The following CECR2 variants were observed in gnomAD, a reference collection of about 807,000 sequenced individuals.
CECR2 encodes chromatin remodeling regulator CECR2.
Under a neutral mutation model 154.5 loss-of-function variants are expected in CECR2, and 30 were observed. The ratio of observed to expected loss-of-function variants is 0.19; its 90% CI spans 0.15 to 0.26. CECR2 has a LOEUF of 0.26. Among genes scored for constraint, CECR2 ranks in the 10% least tolerant of loss-of-function variants. The pLI, the probability that CECR2 is intolerant of heterozygous loss-of-function variation, is 1.00. For missense variants in CECR2, 1,743 were observed against 1,829.3 expected, an observed-to-expected ratio of 0.95 and a Z score of 0.86; for synonymous variants, 725 against 683.7, an observed-to-expected ratio of 1.06 and a Z score of -0.94.
chr22:17,381,297 C>A (rs2063185992), intron 1 of CECR2, among the ~76,000 whole-genome samples: 1 of 152,182 alleles, frequency 6.6e-6, no homozygotes, highest in South Asian at 2.1e-4. Flanking sequence ...GCCCCCCAGC[C>A]CTCCTTACAG....
chr22:17,525,081 C>T (rs1221641960), intron 9 of CECR2, among the ~76,000 whole-genome samples: 1 of 146,308 alleles, frequency 6.8e-6, no homozygotes, highest in Non-Finnish European at 1.5e-5. Flanking sequence ...GTTGGGTTTT[C>T]GAGACCAGCC....
chr22:17,475,898 TC>T (rs1365249409), intron 1 of CECR2, among the ~76,000 whole-genome samples: 2 of 151,768 alleles, frequency 1.3e-5, no homozygotes, highest in Non-Finnish European at 2.9e-5. Context: ...GGCTAACATC[TC>T]CCCTCCCACC....
chr22:17,401,653 C>T (rs1372095512), intron 1 of CECR2, among the ~76,000 whole-genome samples: 1 of 152,046 alleles, frequency 6.6e-6, no homozygotes, highest in Non-Finnish European at 1.5e-5. Context: ...GTAGTTGATT[C>T]CTTTTTATTG....
At chr22:17,367,530 C>G (rs148109556), upstream of CECR2, among the ~76,000 whole-genome samples, 254 of 152,112 alleles carry the variant, frequency 1.7e-3, no homozygotes, top group African/African-American at 5.7e-3. Flanking sequence ...GGACTACGGG[C>G]GCCTGCCACC....
intron 9 of CECR2, among the ~76,000 whole-genome samples, 186 bp from the exon 10 acceptor site, chr22:17,536,916 CT>C (rs2147008471): frequency 1.3e-5 from 2 of 152,232 alleles, no homozygotes; most frequent in East Asian, 3.9e-4. Flanking sequence ...TTAGTTTACC[CT>C]TGTCTTAAAG....
At chr22:17,541,572 A>G (rs2056522782) in intron 14 of CECR2, among the ~76,000 whole-genome samples, 1 of 152,202 alleles carries the variant, frequency 6.6e-6, no homozygotes, top group Non-Finnish European at 1.5e-5. Context: ...AAACGGCTAA[A>G]ATGGATCCTT....
chr22:17,540,605 C>T lies in CECR2; in HGVS notation c.1689C>T (p.Ser563=), dbSNP rs370557052. Residue 563 remains serine, a synonymous_variant, in exon 14 of 19, where the codon TCC becomes TCT. Transcript: ENST00000262608. ...CCCGCTCCAGGGACCCAGAAGGGTC[C>T]AGCAGGAAACAGCAGCCCATGGAGA... ...VWTRSRDPEG[S]SRKQQPMENG... is the part of the protein sequence containing the mutation. The T allele has an allele frequency of 1.4e-4, 230 of 1,613,634 alleles. No individual in the cohort carries two copies. Among genetic ancestry groups the T allele is most frequent in the Non-Finnish European group, 1.7e-4 (203 of 1,179,752 alleles).
rs755824277 is a variant in CECR2, at chr22:17,537,245, TAAC to T, written c.1238+24_1238+26del. 1.4e-5 allele frequency: 22 copies of T among 1,613,336 alleles called. No homozygotes were observed. The highest frequency in any genetic ancestry group is 1.5e-5 in the Non-Finnish European group (18 of 1,179,692). ...AGACTAAAGACCTGTGAGTATTTAG[TAAC>T]AACAACAACAGCAGTAGCAACTGGT... is the stretch of plus-strand genomic sequence containing the variant. On this transcript the variant is annotated intron_variant, in intron 10 of 18. Coordinates refer to ENST00000262608, the MANE Select transcript of CECR2 (RefSeq NM_001290047.2).
At chr22:17,469,098 A>AGT (rs146819561) in intron 1 of CECR2, among the ~76,000 whole-genome samples, 16,445 of 151,700 alleles carry the variant, frequency 0.11, 988 homozygotes, top group South Asian at 0.22. Flanking sequence ...GTACAATTTC[A>AGT]GTGTGTGTGT....
At chr22:17,383,267 C>T (rs1316049682) in intron 1 of CECR2, among the ~76,000 whole-genome samples, 1 of 152,078 alleles carries the variant, frequency 6.6e-6, no homozygotes. Flanking sequence ...GAGCCTTCAA[C>T]GAGTCATAGT....
chr22:17,540,550 C>G lies in CECR2; in HGVS notation c.1634C>G (p.Ala545Gly). 6.2e-7 allele frequency: 1 copy of G among 1,612,582 alleles called. No individual in the cohort carries two copies. Among genetic ancestry groups the G allele is most frequent in the African/African-American group, 1.3e-5 (1 of 75,030 alleles). The change falls in exon 14 of 19, where the codon GCT (alanine) becomes GGT (glycine). Residue 545 changes from alanine to glycine, a missense_variant. Coordinates refer to ENST00000262608, the MANE Select transcript of CECR2 (RefSeq NM_001290047.2). ...AAGCGGGAGAAAAGACGGAGTCGGG[C>G]TGGGCGAAGTGGTGGGAGCCATGTT... ...DEKREKRRSRAGRSGGSHVWT... is the reference protein window; with the variant it reads ...DEKREKRRSRGGRSGGSHVWT...
At chr22:17,449,677 G>A (rs2146694936) in intron 1 of CECR2, among the ~76,000 whole-genome samples, 1 of 151,848 alleles carries the variant, frequency 6.6e-6, no homozygotes, top group East Asian at 1.9e-4. Context: ...TTTTAGTGGC[G>A]ACGGGGTTTC....
At chr22:17,490,222 T>C (rs2055502731) in intron 2 of CECR2, among the ~76,000 whole-genome samples, 1 of 152,056 alleles carries the variant, frequency 6.6e-6, no homozygotes, top group Admixed American at 6.6e-5. Flanking sequence ...TGGATCTATT[T>C]CTCCCATTAG....
chr22:17,542,791 C>T lies in CECR2; in HGVS notation c.2648C>T (p.Pro883Leu). The change falls in exon 16 of 19, where the codon CCA (proline) becomes CTA (leucine). Residue 883 changes from proline to leucine, a missense_variant. Physicochemically the swap from Pro to Leu is moderately conservative, Grantham distance 98 (BLOSUM62 -3). Transcript: ENST00000262608. ...GGAGGGGACTCCATGATGGACAGCC[C>T]AGAGATGATTGCGATGCAGCAGCTC... ...VQGGDSMMDS[P>L]EMIAMQQLSS... 1 of 1,613,972 alleles carries T rather than the reference C, an allele frequency of 6.2e-7. No homozygotes were observed. The highest frequency in any genetic ancestry group is 1.7e-5 in the Admixed American group (1 of 60,012).
At chr22:17,477,523 G>A in intron 1 of CECR2, 65 bp from the exon 2 acceptor site, 3 of 1,066,290 alleles carry the variant, frequency 2.8e-6, no homozygotes, top group Non-Finnish European at 4.3e-6. Context: ...GCTGGCGGTA[G>A]GAAGGGGTGT....
chr22:17,493,908 T>G (rs1476258064), intron 2 of CECR2, among the ~76,000 whole-genome samples: 1 of 152,236 alleles, frequency 6.6e-6, no homozygotes, highest in African/African-American at 2.4e-5. Flanking sequence ...TGATACAGAT[T>G]TCACTGATTC....
At chr22:17,502,944 C>T (rs2055765522) in intron 5 of CECR2, 138 bp from the exon 6 acceptor site, 4 of 683,940 alleles carry the variant, frequency 5.8e-6, no homozygotes, top group African/African-American at 3.6e-5. Flanking sequence ...AGCGTTCCGC[C>T]TCCAAGCCTT....
chr22:17,446,493 G>A (rs1020332842), intron 1 of CECR2, among the ~76,000 whole-genome samples: 10 of 152,266 alleles, frequency 6.6e-5, no homozygotes, highest in South Asian at 2.1e-4. Context: ...CGAGGCGGGC[G>A]GATCACGAGG....
rs1336198407 is a variant in CECR2 at position 17,369,898 on chromosome 22, T to C, written c.115T>C (p.Phe39Leu). The C allele has an allele frequency of 6.6e-6, 1 of 151,044 alleles. No individual in the cohort carries two copies. Among genetic ancestry groups the C allele is most frequent in the Non-Finnish European group, 1.5e-5 (1 of 67,702 alleles). The allele number at this position is 151,044 out of a possible 1,614,324, so 9.4% of individuals were successfully genotyped here. ...LFRTAFRLPD[F>L]EIEELEAALH... is the part of the protein sequence containing the mutation. The stretch of plus-strand genomic sequence containing the variant: ...TCGCACCGCGTTCCGCCTGCCCGAC[T>C]TCGAGATCGAGGTGAGTGGCCGCGC... Residue 39 changes from phenylalanine to leucine, a missense_variant, in exon 1 of 19, where the codon TTC (phenylalanine) becomes CTC (leucine). Coordinates refer to ENST00000262608, the MANE Select transcript of CECR2 (RefSeq NM_001290047.2).
Sources: allele counts gnomAD v4.1 joint callset (sites outside exome capture counted in the v4.1 genomes callset), GRCh38; gene constraint gnomAD v4.1.1; transcripts MANE v1.5; gene names NCBI Gene and HGNC (gene_info 2026-07-23, HGNC 2026-07-21).